The following TOP1MT variants were observed in gnomAD, a reference collection of about 807,000 sequenced individuals.
TOP1MT encodes the protein DNA topoisomerase I mitochondrial.
A neutral mutation model predicts 73.9 loss-of-function variants in TOP1MT; 80 were observed. The ratio of observed to expected loss-of-function variants is 1.08; its 90% CI spans 0.90 to 1.30. The LOEUF is 1.30. TOP1MT is among the 50% of genes most tolerant of loss of function. TOP1MT has a pLI of 0.00. For synonymous variants in TOP1MT, 338 were observed against 326.4 expected, an observed-to-expected ratio of 1.04 and a Z score of -0.38; for missense variants, 815 against 808.0, an observed-to-expected ratio of 1.01 and a Z score of -0.10.
rs1563758134 is a variant in TOP1MT, at chr8:143,321,675, ACACGCACGCCACG to A, written c.961-302_961-290del. On this transcript the variant is annotated intron_variant, in intron 7 of 13. Transcript: ENST00000329245. ...GGCACGCCACACACACGCACGCCACACACGCACGCCACGCACGCACGCCACGCACACATGCCAC... is the reference window on the plus strand; with the variant it reads ...GGCACGCCACACACACGCACGCCACACACGCACGCCACGCACACATGCCAC... 3.3e-4 allele frequency among the ~76,000 whole-genome samples: 25 copies of A among 74,988 alleles called. 1 individual carries two copies. The highest frequency in any genetic ancestry group is 5.9e-4 in the African/African-American group (10 of 16,968). The allele number at this position is 74,988 out of a possible 152,430, so 49.2% of individuals were successfully genotyped here. A position where few individuals can be genotyped will look rare whatever the true frequency, so the allele number is the denominator to read the frequency against.
chr8:143,319,316 A>G (rs1286900034), intron 8 of TOP1MT, among the ~76,000 whole-genome samples: 4 of 149,458 alleles, frequency 2.7e-5, no homozygotes, highest in Non-Finnish European at 5.9e-5. Context: ...ATTTTTAGAG[A>G]CTAGGTCTGG....
chr8:143,354,517 A>G (rs1488645646), intron 1 of TOP1MT, among the ~76,000 whole-genome samples: 1 of 152,088 alleles, frequency 6.6e-6, no homozygotes, highest in Non-Finnish European at 1.5e-5. Context: ...GTTTGAGACC[A>G]GCCTGACCAA....
chr8:143,322,121 A>ACACATAGGCACGC lies in TOP1MT; in HGVS notation c.961-736_961-735insGCGTGCCTATGTG, dbSNP rs1563758776. The stretch of plus-strand genomic sequence containing the variant: ...CACGCACGCCACACATGCACGCCAC[A>ACACATAGGCACGC]CACACAGGCACGCCACACAGGCACG... On this transcript the variant is annotated intron_variant, in intron 7 of 13. Coordinates refer to ENST00000329245, the MANE Select transcript of TOP1MT (RefSeq NM_052963.3). 1.8e-3 allele frequency among the ~76,000 whole-genome samples: 93 copies of ACACATAGGCACGC among 51,450 alleles called. 7 individuals carry two copies. Among genetic ancestry groups the ACACATAGGCACGC allele is most frequent in the African/African-American group, 4.0e-3 (91 of 22,900 alleles). 33.8% of individuals were successfully genotyped at this position (51,450 alleles called of 152,430 possible). A position where few individuals can be genotyped will look rare whatever the true frequency, so the allele number is the denominator to read the frequency against.
At chr8:143,311,954 A>ACAAGTGATTATATCAGT (rs1277132502) in intron 12 of TOP1MT, among the ~76,000 whole-genome samples, 1 of 152,256 alleles carries the variant, frequency 6.6e-6, no homozygotes, top group Non-Finnish European at 1.5e-5. Flanking sequence ...TAGAACTATA[A>ACAAGTGATTATATCAGT]CAAGTGATTA....
upstream of TOP1MT, among the ~76,000 whole-genome samples, chr8:143,339,539 G>A (rs1042552932): frequency 6.6e-6 from 1 of 152,106 alleles, no homozygotes; most frequent in African/African-American, 2.4e-5. Flanking sequence ...CAGACACACA[G>A]CAAACACTCA....
At chr8:143,348,606 TG>T (rs71516023), upstream of TOP1MT, among the ~76,000 whole-genome samples, 17,698 of 127,666 alleles carry the variant, frequency 0.14, 1,133 homozygotes, top group African/African-American at 0.24. The surrounding 1 kb of genome is among the most constrained non-coding windows in gnomAD (Gnocchi z 4.6). Context: ...AGCTGGGGGG[TG>T]GGGGGGGGTG....
chr8:143,351,579 CA>C (rs35498119), intron 1 of TOP1MT, among the ~76,000 whole-genome samples: 1,924 of 91,300 alleles, frequency 0.021, 31 homozygotes, highest in African/African-American at 0.069. Flanking sequence ...GACCCAGTCT[CA>C]AAAAAAAAAA....
intron 12 of TOP1MT, among the ~76,000 whole-genome samples, chr8:143,315,074 C>T (rs551253190): frequency 1.6e-4 from 24 of 152,234 alleles, no homozygotes; most frequent in African/African-American, 2.2e-4. Flanking sequence ...CAAGGAAAAA[C>T]ACCTGCCACT....
chr8:143,328,274 T>A (rs774187094), intron 3 of TOP1MT: 3 of 455,984 alleles, frequency 6.6e-6, no homozygotes, highest in Non-Finnish European at 8.8e-6. Context: ...AAAGGCAAAG[T>A]CTGGGAGATG....
chr8:143,334,786 G>A lies in TOP1MT; in HGVS notation c.76C>T (p.Arg26Trp), dbSNP rs377607364. The change falls in exon 1 of 14, where the codon CGG becomes TGG. Residue 26 changes from arginine (R) to tryptophan (W), a missense_variant. By Grantham distance (101) the Arg-to-Trp change is moderately radical. This residue lies in a region of TOP1MT where 60 missense variants were observed against 65.9 expected (regional missense o/e 0.91). Coordinates refer to ENST00000329245, the MANE Select transcript of TOP1MT (RefSeq NM_052963.3). ...GTCCTGCGCGAGCCCGGGACACCCC[G>A]GGAGGCCGGGCGGCGGGGGACCTCC... Reference protein sequence around the residue: ...LGEVPRRPASRGVPGSRRTQK... With the variant: ...LGEVPRRPASWGVPGSRRTQK... 6.7e-5 allele frequency: 106 copies of A among 1,588,562 alleles called. No homozygotes were observed. Among genetic ancestry groups the A allele is most frequent in the Non-Finnish European group, 8.4e-5 (98 of 1,170,166 alleles).
At chr8:143,331,099 G>A (rs1797841943) in intron 2 of TOP1MT, 125 bp downstream of exon 2, 5 of 700,840 alleles carry the variant, frequency 7.1e-6, no homozygotes, top group Middle Eastern at 8.4e-4. Context: ...TGCAAGAAGA[G>A]GGCACAGAGC....
In TOP1MT at chr8:143,321,285, G is replaced by C. The variant is rs754739967; in HGVS notation, c.1062C>G (p.Ala354=). 1 of 1,612,576 alleles carries C rather than the reference G, an allele frequency of 6.2e-7. No individual in the cohort carries two copies. The highest frequency in any genetic ancestry group is 1.7e-5 in the Admixed American group (1 of 59,972). Reference sequence around the variant, plus strand: ...ATTCCACCACGTGTTGGCAGCCATCGGCCTCCGGGTGCAGCTGGACGTGCT... The same window carrying C: ...ATTCCACCACGTGTTGGCAGCCATCCGCCTCCGGGTGCAGCTGGACGTGCT... ...RVEHVQLHPE[A]DGCQHVVEFD... The change falls in exon 8 of 14, where the codon GCC becomes GCG. Residue 354 remains alanine (A), a synonymous_variant. Coordinates refer to ENST00000329245, the MANE Select transcript of TOP1MT (RefSeq NM_052963.3).
At position 143,325,400 on chromosome 8, in the gene TOP1MT, ATCTTGGG is replaced by A; in HGVS notation, c.610_616del (p.Pro204TrpfsTer4). 1.2e-6 allele frequency: 2 copies of A among 1,611,982 alleles called. No homozygotes were observed. The highest frequency in any genetic ancestry group is 3.3e-4 in the Middle Eastern group (2 of 6,056). On this transcript the variant is annotated frameshift_variant, in exon 5 of 14. Transcript: ENST00000329245. LOFTEE classifies it high-confidence loss of function. ...CGTGATCCTTCTCTTCAGCATCCCC[ATCTTGGG>A]ATGGTCGCCACGGCCACGGAACAAG... is the stretch of plus-strand genomic sequence containing the variant.
chr8:143,342,824 A>C (rs751044914), intron 2 of TOP1MT, among the ~76,000 whole-genome samples: 1 of 115,438 alleles, frequency 8.7e-6, no homozygotes, highest in African/African-American at 2.8e-5. Context: ...TCGCTCTGTC[A>C]CCCAGGCTGG....
intron 1 of TOP1MT, chr8:143,334,330 TCGG>T (rs1816933749): frequency 6.3e-6 from 1 of 158,450 alleles, no homozygotes; most frequent in Non-Finnish European, 1.4e-5. Context: ...CCATGCAGAA[TCGG>T]TCCTGGAGAC....
chr8:143,316,977 G>T (rs12676285), intron 10 of TOP1MT, among the ~76,000 whole-genome samples: 57,184 of 152,138 alleles, frequency 0.38, 13,454 homozygotes, highest in East Asian at 0.69. Flanking sequence ...CACAGCCCCA[G>T]TGCTGCCCCA....
At chr8:143,321,422 TGCACACGCACGCCAC>T (rs757825434) in intron 7 of TOP1MT, 36 bp from the exon 8 acceptor site, 3 of 1,514,986 alleles carry the variant, frequency 2.0e-6, no homozygotes, top group Admixed American at 3.9e-5. Flanking sequence ...GGGTGGTGCG[TGCACACGCACGCCAC>T]ACACACGCAC....
At chr8:143,347,235 A>C (rs1817239542), upstream of TOP1MT, among the ~76,000 whole-genome samples, 1 of 152,092 alleles carries the variant, frequency 6.6e-6, no homozygotes, top group Non-Finnish European at 1.5e-5. Context: ...GCTCACTGCA[A>C]GTTCTGCCTC....
At chr8:143,315,533 G>A (rs111984428) in intron 12 of TOP1MT, among the ~76,000 whole-genome samples, 194 bp downstream of exon 12, 28 of 152,180 alleles carry the variant, frequency 1.8e-4, no homozygotes, top group Admixed American at 9.2e-4. Context: ...ACCAGTCTCC[G>A]CGTCTTGGTG....
Sources: allele counts gnomAD v4.1 joint callset (sites outside exome capture counted in the v4.1 genomes callset), GRCh38; gene constraint gnomAD v4.1.1; regional missense constraint gnomAD v4.1.1; non-coding constraint Gnocchi (gnomAD v3.1); transcripts MANE v1.5; gene names NCBI Gene and HGNC (gene_info 2026-07-23, HGNC 2026-07-21).